UPP2: variants seen among roughly 807,000 people sequenced by gnomAD.
UPP2 encodes the protein UPase 2.
In UPP2, 23 loss-of-function variants were observed where a neutral mutation model predicts 26.7. That is an observed-to-expected ratio of 0.86 (90% CI 0.62 to 1.22). UPP2 has a LOEUF of 1.22. Among genes scored for constraint, UPP2 ranks in the 50% most tolerant of loss-of-function variants. The pLI is 0.00. For synonymous variants in UPP2, 127 were observed against 141.3 expected (o/e 0.90, Z 0.72); for missense variants, 387 against 396.7 (o/e 0.98, Z 0.21).
chr2:158,043,521 G>C (rs556896314), intron 3 of UPP2, among the ~76,000 whole-genome samples: 11 of 152,184 alleles, frequency 7.2e-5, no homozygotes, highest in Non-Finnish European at 1.5e-4. Context: ...GTATGCATGG[G>C]AGGAAAGAGA....
rs1204417090 is a variant in UPP2, at chr2:158,123,734, TC to T, written c.665-11del. On this transcript the variant is annotated splice_polypyrimidine_tract_variant and intron_variant, in intron 5 of 6. Coordinates refer to ENST00000005756, the MANE Select transcript of UPP2 (RefSeq NM_173355.4). The stretch of plus-strand genomic sequence containing the variant: ...TGGGACATCAAGTCACTAAACGTTC[TC>T]CCCTCCCTTTCAGGCCAAGGCCGAC... The T allele has an allele frequency of 5.0e-6, 8 of 1,611,340 alleles. No homozygotes were observed. The highest frequency in any genetic ancestry group is 6.8e-6 in the Non-Finnish European group (8 of 1,178,656).
intron 3 of UPP2, among the ~76,000 whole-genome samples, chr2:158,086,687 T>C (rs971840603): frequency 1.3e-5 from 2 of 152,150 alleles, no homozygotes; most frequent in African/African-American, 4.8e-5. Context: ...TGATAGGTTG[T>C]GTCACTATTA....
At chr2:158,123,578 G>A (rs1292856783) in intron 5 of UPP2, among the ~76,000 whole-genome samples, 171 bp from the exon 6 acceptor site, 1 of 152,136 alleles carries the variant, frequency 6.6e-6, no homozygotes, top group African/African-American at 2.4e-5. Flanking sequence ...GGACAGCATC[G>A]CTCCACAGTC....
At chr2:158,051,302 T>A (rs1264786338) in intron 3 of UPP2, among the ~76,000 whole-genome samples, 1 of 152,040 alleles carries the variant, frequency 6.6e-6, no homozygotes, top group Non-Finnish European at 1.5e-5. Context: ...GCATACTTCA[T>A]AATTAAATTA....
intron 3 of UPP2, among the ~76,000 whole-genome samples, chr2:158,036,008 C>G (rs978472449): frequency 6.6e-6 from 1 of 152,188 alleles, no homozygotes; most frequent in African/African-American, 2.4e-5. Flanking sequence ...GATGTTGTCA[C>G]TCCTCTGACA....
At chr2:158,074,909 GC>G (rs1292534780) in intron 3 of UPP2, among the ~76,000 whole-genome samples, 1 of 150,136 alleles carries the variant, frequency 6.7e-6, no homozygotes, top group Non-Finnish European at 1.5e-5. Flanking sequence ...TACATAGACT[GC>G]AAATAAAGGG....
At chr2:158,120,191 G>T (rs1196244955) in intron 4 of UPP2, among the ~76,000 whole-genome samples, 1 of 151,920 alleles carries the variant, frequency 6.6e-6, no homozygotes, top group East Asian at 1.9e-4. Flanking sequence ...TCTATAGAAA[G>T]GATTGTCAAG....
intron 3 of UPP2, among the ~76,000 whole-genome samples, chr2:158,083,770 T>A (rs1320899114): frequency 1.3e-5 from 2 of 150,930 alleles, no homozygotes; most frequent in Non-Finnish European, 3.0e-5. Flanking sequence ...TTCATCCTTT[T>A]TATGGCTTAG....
chr2:158,121,173 T>C (rs1264625304), intron 4 of UPP2, among the ~76,000 whole-genome samples: 1 of 152,040 alleles, frequency 6.6e-6, no homozygotes, highest in Non-Finnish European at 1.5e-5. Context: ...CCAAGAGTCA[T>C]GTTTGTCTTG....
At chr2:158,070,776 G>A (rs1160910436) in intron 3 of UPP2, among the ~76,000 whole-genome samples, 3 of 152,238 alleles carry the variant, frequency 2.0e-5, no homozygotes, top group African/African-American at 4.8e-5. Flanking sequence ...ACTGAAGAGG[G>A]TAGGACACAG....
intron 2 of UPP2, among the ~76,000 whole-genome samples, chr2:157,996,827 T>C (rs1683330686): frequency 6.6e-6 from 1 of 152,198 alleles, no homozygotes; most frequent in Non-Finnish European, 1.5e-5. Context: ...TGGCCAGAAA[T>C]TGAATAAGTA....
chr2:158,121,599 T>C lies in UPP2; in HGVS notation c.645T>C (p.Cys215=). Residue 215 remains cysteine, a synonymous_variant, in exon 5 of 7, where the codon TGT becomes TGC. Coordinates refer to ENST00000005756, the MANE Select transcript of UPP2 (RefSeq NM_173355.4). ...CAACCCTCGTTGGACATACAATGTG[T>C]ACCTATGATTTTTATGAAGGTGAGA... ...NFPTLVGHTM[C]TYDFYEGQGR... The C allele has an allele frequency of 6.2e-7, 1 of 1,613,076 alleles. No individual in the cohort carries two copies.
At chr2:158,037,600 C>A (rs1288421829) in intron 3 of UPP2, among the ~76,000 whole-genome samples, 1 of 152,080 alleles carries the variant, frequency 6.6e-6, no homozygotes, top group Non-Finnish European at 1.5e-5. Context: ...TCATGGCCAG[C>A]AGTCACAGGG....
At chr2:158,067,376 A>G (rs922984314) in intron 3 of UPP2, among the ~76,000 whole-genome samples, 3 of 152,026 alleles carry the variant, frequency 2.0e-5, no homozygotes, top group Admixed American at 6.5e-5. Context: ...TCATCAAAAA[A>G]AAAAAAAAAG....
intron 2 of UPP2, chr2:158,015,654 G>A (rs182255926): frequency 3.3e-5 from 13 of 390,112 alleles, no homozygotes; most frequent in Admixed American, 1.6e-4. Flanking sequence ...TCAGGGGAGG[G>A]GCCTGGCGGG....
intron 3 of UPP2, among the ~76,000 whole-genome samples, chr2:158,116,182 G>T (rs553171659): frequency 6.6e-6 from 1 of 152,306 alleles, no homozygotes; most frequent in Admixed American, 6.5e-5. Context: ...GGCCAAGAGC[G>T]CCTGAAACCT....
At chr2:158,107,241 C>T (rs752158925) in intron 2 of UPP2, among the ~76,000 whole-genome samples, 1 of 152,140 alleles carries the variant, frequency 6.6e-6, no homozygotes, top group Non-Finnish European at 1.5e-5. Context: ...AATGGAGAAT[C>T]GCGCTGTTTT....
chr2:158,084,018 A>G (rs895334141), intron 3 of UPP2, among the ~76,000 whole-genome samples: 8 of 151,684 alleles, frequency 5.3e-5, no homozygotes, highest in African/African-American at 1.9e-4. Context: ...TCCTCTGAGT[A>G]GATATCCAGT....
intron 3 of UPP2, among the ~76,000 whole-genome samples, chr2:158,030,858 C>T (rs554142655): frequency 1.3e-5 from 2 of 152,142 alleles, no homozygotes; most frequent in Non-Finnish European, 2.9e-5. Context: ...AAGTGAGCTG[C>T]TGGTTGGATC....
Sources: allele counts gnomAD v4.1 joint callset (sites outside exome capture counted in the v4.1 genomes callset), GRCh38; gene constraint gnomAD v4.1.1; transcripts MANE v1.5; gene names NCBI Gene and HGNC (gene_info 2026-07-23, HGNC 2026-07-21).